The following BRINP3 variants were observed in gnomAD, a reference collection of about 807,000 sequenced individuals.
BRINP3 encodes BMP/retinoic acid inducible neural specific 3, also known as BMP/retinoic acid-inducible neural-specific protein 3.
Under a neutral mutation model 71.0 loss-of-function variants are expected in BRINP3, and 19 were observed. The ratio of observed to expected loss-of-function variants is 0.27; its 90% CI spans 0.19 to 0.39. The LOEUF (loss-of-function observed/expected upper bound fraction) is 0.39, where lower values mean the gene tolerates loss of function less well. BRINP3 is among the 10% of genes least tolerant of loss of function. BRINP3 has a pLI of 1.00. For missense variants in BRINP3, 959 were observed against 940.8 expected (o/e 1.02, Z -0.25); for synonymous variants, 380 against 337.7 (o/e 1.13, Z -1.37).
At chr1:190,334,027 G>C (rs74870135) in intron 2 of BRINP3, among the ~76,000 whole-genome samples, 1 of 151,780 alleles carries the variant, frequency 6.6e-6, no homozygotes, top group East Asian at 1.9e-4. Context: ...AACGCTATAT[G>C]AGCATGCACT....
At chr1:190,438,582 A>T (rs1484712363) in intron 2 of BRINP3, among the ~76,000 whole-genome samples, 1 of 151,884 alleles carries the variant, frequency 6.6e-6, no homozygotes, top group Non-Finnish European at 1.5e-5. Context: ...TGAAATACAT[A>T]AGCACCTTAA....
chr1:190,148,255 T>C (rs1410070147), intron 7 of BRINP3, among the ~76,000 whole-genome samples: 1 of 152,018 alleles, frequency 6.6e-6, no homozygotes, highest in Non-Finnish European at 1.5e-5. Context: ...CTATTATGCA[T>C]GCTGTATATT....
intron 2 of BRINP3, among the ~76,000 whole-genome samples, chr1:190,432,788 G>A (rs943526733): frequency 6.6e-6 from 1 of 152,034 alleles, no homozygotes; most frequent in Non-Finnish European, 1.5e-5. Flanking sequence ...AATGGATCTG[G>A]TACAGTTTAG....
At chr1:190,228,966 A>G (rs1657674036) in intron 5 of BRINP3, among the ~76,000 whole-genome samples, 1 of 152,052 alleles carries the variant, frequency 6.6e-6, no homozygotes, top group Admixed American at 6.6e-5. Flanking sequence ...ACCACAGAGT[A>G]AAATATGAAT....
In BRINP3 at chr1:190,311,484, T is replaced by C. The variant is rs1665513775; in HGVS notation, c.237-29734A>G. 2.0e-5 allele frequency among the ~76,000 whole-genome samples: 3 copies of C among 151,304 alleles called. No individual in the cohort carries two copies. The South Asian group carries it at 6.2e-4, about 31-fold the overall frequency. On this transcript the variant is annotated intron_variant, in intron 2 of 7. Transcript: ENST00000367462. ...ATAATGATTAAGAATTTGACGTTAG[T>C]AGCCAAAAAAAAGTAGAAATTAAAT... is the stretch of plus-strand genomic sequence containing the variant.
chr1:190,175,845 A>G (rs924775540), intron 6 of BRINP3, among the ~76,000 whole-genome samples: 1 of 152,124 alleles, frequency 6.6e-6, no homozygotes, highest in African/African-American at 2.4e-5. Flanking sequence ...GGTGATTAAA[A>G]CAATTTATTT....
chr1:190,387,173 A>G (rs968611871), intron 2 of BRINP3, among the ~76,000 whole-genome samples: 1 of 152,036 alleles, frequency 6.6e-6, no homozygotes, highest in Non-Finnish European at 1.5e-5. Flanking sequence ...ATCAAAATTC[A>G]CAATAAATTT....
At chr1:190,136,064 C>T (rs1654949536) in intron 7 of BRINP3, among the ~76,000 whole-genome samples, 1 of 151,980 alleles carries the variant, frequency 6.6e-6, no homozygotes, top group Non-Finnish European at 1.5e-5. Flanking sequence ...GTCTTCTATT[C>T]ACCCCATAAC....
intron 2 of BRINP3, among the ~76,000 whole-genome samples, chr1:190,407,549 T>C (rs183568628): frequency 3.3e-5 from 5 of 152,294 alleles, no homozygotes; most frequent in Admixed American, 1.3e-4. Flanking sequence ...TTTAGTAAAT[T>C]ATGAAAGAAA....
chr1:190,429,166 C>T (rs1359862777), intron 2 of BRINP3, among the ~76,000 whole-genome samples: 1 of 151,984 alleles, frequency 6.6e-6, no homozygotes, highest in Non-Finnish European at 1.5e-5. Flanking sequence ...CCATTGGAAG[C>T]AATATTAAAA....
At chr1:190,170,686 A>G (rs1651935583) in intron 6 of BRINP3, among the ~76,000 whole-genome samples, 1 of 152,208 alleles carries the variant, frequency 6.6e-6, no homozygotes, top group Non-Finnish European at 1.5e-5. Context: ...TTCTTAACTT[A>G]TGGATGAGAA....
At chr1:190,195,971 T>C (rs1654441831) in intron 6 of BRINP3, among the ~76,000 whole-genome samples, 3 of 152,144 alleles carry the variant, frequency 2.0e-5, no homozygotes, top group South Asian at 4.1e-4. Context: ...GTCCAAAATA[T>C]TACATGTAAG....
At chr1:190,459,769 C>A (rs567996978) in intron 1 of BRINP3, among the ~76,000 whole-genome samples, 4 of 151,996 alleles carry the variant, frequency 2.6e-5, no homozygotes, top group Non-Finnish European at 4.4e-5. Context: ...CTTGAATATG[C>A]AAAGTCATTT....
At chr1:190,425,546 T>C (rs1335658029) in intron 2 of BRINP3, among the ~76,000 whole-genome samples, 1 of 151,788 alleles carries the variant, frequency 6.6e-6, no homozygotes, top group African/African-American at 2.4e-5. Flanking sequence ...AATTTTTAAC[T>C]TGGAAAGAAT....
rs144197183 is a variant in BRINP3 at position 190,330,663 on chromosome 1, A to T, written c.237-48913T>A. Among the ~76,000 whole-genome samples the T allele has an allele frequency of 7.7e-4, 117 of 152,216 alleles. 1 individual carries two copies. The highest frequency in any genetic ancestry group is 2.5e-3 in the African/African-American group (103 of 41,544). ...CCAAAAGAAAACAAATCATTCCACC[A>T]AAAAGACACATGCACTCACATGTTC... On this transcript the variant is annotated intron_variant, in intron 2 of 7. Transcript: ENST00000367462.
intron 2 of BRINP3, among the ~76,000 whole-genome samples, chr1:190,296,091 C>A (rs540151208): frequency 6.8e-6 from 1 of 147,206 alleles, no homozygotes; most frequent in Non-Finnish European, 1.5e-5. Context: ...GGGGGCTGGG[C>A]TTTTGGTGTT....
chr1:190,291,006 G>A (rs946995938), intron 2 of BRINP3, among the ~76,000 whole-genome samples: 2 of 151,786 alleles, frequency 1.3e-5, no homozygotes, highest in African/African-American at 4.8e-5. Context: ...AGAAGAAACA[G>A]ACAAGGTTGA....
chr1:190,438,896 T>C (rs1220287214), intron 2 of BRINP3, among the ~76,000 whole-genome samples: 1 of 151,968 alleles, frequency 6.6e-6, no homozygotes, highest in African/African-American at 2.4e-5. Flanking sequence ...AAGTTACTTG[T>C]TCTCTTTCAC....
intron 2 of BRINP3, among the ~76,000 whole-genome samples, chr1:190,312,516 GT>G (rs1289261880): frequency 6.6e-6 from 1 of 151,582 alleles, no homozygotes; most frequent in African/African-American, 2.4e-5. Flanking sequence ...TACCTCAGTT[GT>G]GGATCCAGTT....
Sources: gnomAD v4.1 joint callset for allele counts (sites outside exome capture counted in the v4.1 genomes callset) on GRCh38, gnomAD v4.1.1 for gene constraint, MANE v1.5 for transcripts, NCBI Gene and HGNC (gene_info 2026-07-23, HGNC 2026-07-21) for gene names.